ERAP1: variants seen among roughly 807,000 people sequenced by gnomAD.
The protein encoded by ERAP1 is endoplasmic reticulum aminopeptidase 1.
Under a neutral mutation model 103.7 loss-of-function variants are expected in ERAP1, and 86 were observed. The observed-to-expected ratio is 0.83, with a 90% CI of 0.70 to 0.99. The LOEUF (loss-of-function observed/expected upper bound fraction) is 0.99. Among genes scored for constraint, ERAP1 ranks in the 50% least tolerant of loss-of-function variants. ERAP1 has a pLI of 0.00. For synonymous variants in ERAP1, 398 were observed against 402.4 expected (o/e 0.99, Z 0.13); for missense variants, 1,009 against 1,128.4 (o/e 0.89, Z 1.52).
chr5:96,873,203 G>T, the ERAP1 span: 2 of 375,962 alleles, frequency 5.3e-6, no homozygotes, highest in South Asian at 1.9e-5. Flanking sequence ...AAAAAATCAT[G>T]AAAATTCGTG....
chr5:96,880,770 G>A, the ERAP1 span, among the ~76,000 whole-genome samples: 1 of 152,246 alleles, frequency 6.6e-6, no homozygotes, highest in Non-Finnish European at 1.5e-5. Context: ...CACATACTAT[G>A]TGCCAGGCAC....
chr5:96,833,928 T>A, the ERAP1 span, among the ~76,000 whole-genome samples: 1 of 152,198 alleles, frequency 6.6e-6, no homozygotes, highest in Non-Finnish European at 1.5e-5. Flanking sequence ...ATTAAAAAAA[T>A]TGAATACTCC....
At chr5:96,903,354 C>T in the ERAP1 span, 1 of 1,572,160 alleles carries the variant, frequency 6.4e-7, no homozygotes, top group African/African-American at 1.4e-5. Context: ...AATAAAATGC[C>T]TATGCCAATC....
chr5:96,810,675 C>T (rs1779100838), upstream of ERAP1, among the ~76,000 whole-genome samples: 1 of 152,106 alleles, frequency 6.6e-6, no homozygotes, highest in South Asian at 2.1e-4. Context: ...CAGAGGTGAG[C>T]CAGAGGAATG....
At chr5:96,904,153 T>G in the ERAP1 span, among the ~76,000 whole-genome samples, 7 of 152,156 alleles carry the variant, frequency 4.6e-5, no homozygotes, top group Admixed American at 3.9e-4. Flanking sequence ...TGTAGGGAAA[T>G]GAAGTAATAA....
the ERAP1 span, among the ~76,000 whole-genome samples, chr5:96,911,395 TAG>T: frequency 1.3e-5 from 2 of 152,174 alleles, no homozygotes; most frequent in Admixed American, 1.3e-4. Context: ...TATGCCCACT[TAG>T]AATAAAAACT....
At chr5:96,790,223 A>G in intron 10 of ERAP1, 73 bp downstream of exon 10, 1 of 1,391,108 alleles carries the variant, frequency 7.2e-7, no homozygotes, top group Non-Finnish European at 1.0e-6. Context: ...AAAGTTTGGC[A>G]CAGAGCTGCC....
the ERAP1 span, among the ~76,000 whole-genome samples, chr5:96,824,881 T>C: frequency 6.6e-6 from 1 of 152,116 alleles, no homozygotes; most frequent in Non-Finnish European, 1.5e-5. Flanking sequence ...AAACCCTATT[T>C]CTACCAAAAA....
the ERAP1 span, among the ~76,000 whole-genome samples, chr5:96,930,340 T>A: frequency 3.9e-5 from 6 of 152,220 alleles, no homozygotes; most frequent in African/African-American, 1.2e-4. Context: ...CCTCGGATCA[T>A]GTTAACACTG....
intron 5 of ERAP1, 116 bp downstream of exon 5, chr5:96,794,926 G>A (rs1777175968): frequency 1.6e-6 from 2 of 1,246,696 alleles, no homozygotes; most frequent in South Asian, 1.3e-5. Flanking sequence ...TCACTTGCTG[G>A]GGTTTTTGTG....
the ERAP1 span, among the ~76,000 whole-genome samples, chr5:96,877,629 A>C: frequency 0.52 from 79,520 of 152,052 alleles, 20,968 homozygotes; most frequent in South Asian, 0.61. Flanking sequence ...CTCAAAAAGT[A>C]AAAAACTTTG....
the ERAP1 span, among the ~76,000 whole-genome samples, chr5:96,822,016 G>C: frequency 0.015 from 2,273 of 152,264 alleles, 53 homozygotes; most frequent in African/African-American, 0.051. Context: ...TCCCAAGTGT[G>C]ATTATTGTCT....
At chr5:96,863,691 T>G in the ERAP1 span, among the ~76,000 whole-genome samples, 1 of 152,226 alleles carries the variant, frequency 6.6e-6, no homozygotes, top group Non-Finnish European at 1.5e-5. Context: ...CCTGATTTTT[T>G]CATACATTTT....
At chr5:96,770,735 C>T (rs1039847339), downstream of ERAP1, 47 of 603,666 alleles carry the variant, frequency 7.8e-5, no homozygotes, top group Non-Finnish European at 1.3e-4. Context: ...TATCCCATAG[C>T]ATCGCTTGGT....
intron 19 of ERAP1, chr5:96,768,519 A>C (rs1403402791): frequency 2.6e-6 from 1 of 388,008 alleles, no homozygotes; most frequent in Non-Finnish European, 5.0e-6. Context: ...TTCTATATGT[A>C]TATTTTACAT....
At chr5:96,906,550 G>A in the ERAP1 span, among the ~76,000 whole-genome samples, 2 of 152,194 alleles carry the variant, frequency 1.3e-5, no homozygotes, top group Non-Finnish European at 2.9e-5. Context: ...TTACAGGTGT[G>A]AGCCACTGCA....
At chr5:96,879,981 T>C in the ERAP1 span, 1 of 1,614,186 alleles carries the variant, frequency 6.2e-7, no homozygotes, top group South Asian at 1.1e-5. Context: ...AAGATCGAAG[T>C]CTTGGTCAGC....
chr5:96,921,510 G>A, the ERAP1 span, among the ~76,000 whole-genome samples: 1 of 152,200 alleles, frequency 6.6e-6, no homozygotes, highest in Non-Finnish European at 1.5e-5. Context: ...GAAATCTTTA[G>A]AAAGTCTGAG....
chr5:96,808,050 C>T, upstream of ERAP1: 3 of 985,454 alleles, frequency 3.0e-6, no homozygotes, highest in Non-Finnish European at 3.6e-6. Flanking sequence ...AAAGGGTAAA[C>T]GGGAGTGGGG....
Sources: gnomAD v4.1 joint callset for allele counts (sites outside exome capture counted in the v4.1 genomes callset) on GRCh38, gnomAD v4.1.1 for gene constraint, MANE v1.5 for transcripts, NCBI Gene and HGNC (gene_info 2026-07-23, HGNC 2026-07-21) for gene names.